NHS: variants seen among roughly 807,000 people sequenced by gnomAD.
NHS encodes the protein NHS actin remodeling regulator.
Under a neutral mutation model 72.5 loss-of-function variants are expected in NHS, and 5 were observed. The observed-to-expected ratio is 0.07, with a 90% confidence interval of 0.04 to 0.14. The LOEUF is 0.14. Among genes scored for constraint, NHS ranks in the 10% least tolerant of loss-of-function variants. The pLI is 1.00. For missense variants in NHS, 1,072 were observed against 1,355.7 expected (o/e 0.79, Z 3.29); for synonymous variants, 464 against 547.7 (o/e 0.85, Z 2.13).
intron 1 of NHS, among the ~76,000 whole-genome samples, chrX:17,407,059 A>T (rs1452125246): frequency 8.9e-6 from 1 of 111,822 alleles, no homozygotes; most frequent in Non-Finnish European, 1.9e-5. Flanking sequence ...CCAACGGCTC[A>T]GGTATACCTG....
At chrX:17,589,578 C>T (rs1323438440) in intron 1 of NHS, among the ~76,000 whole-genome samples, 1 of 111,541 alleles carries the variant, frequency 9.0e-6, no homozygotes, top group Non-Finnish European at 1.9e-5. Context: ...TTTCTCCACT[C>T]GTTGACTGAT....
At chrX:17,677,612 AC>A (rs2066090647) in intron 1 of NHS, among the ~76,000 whole-genome samples, 2 of 110,998 alleles carry the variant, frequency 1.8e-5, no homozygotes, top group African/African-American at 6.6e-5. Context: ...CCCATAGCAT[AC>A]TCACAATCAC....
chrX:17,561,379 C>T (rs1200593914), intron 1 of NHS, among the ~76,000 whole-genome samples: 1 of 110,419 alleles, frequency 9.1e-6, no homozygotes, highest in Non-Finnish European at 1.9e-5. Flanking sequence ...TTCAGAGGTG[C>T]TATCTCCATT....
intron 1 of NHS, among the ~76,000 whole-genome samples, chrX:17,592,320 T>C (rs964434477): frequency 8.9e-6 from 1 of 111,795 alleles, no homozygotes; most frequent in African/African-American, 3.3e-5. Context: ...TTGTAGAATA[T>C]TGTTCTATAT....
At position 17,676,993 on chromosome X, in the gene NHS, A is replaced by G. The variant is rs991409047; in HGVS notation, c.566-10749A>G. 2.7e-5 allele frequency among the ~76,000 whole-genome samples: 3 copies of G among 112,089 alleles called. No individual in the cohort carries two copies. The Admixed American group carries it at 2.8e-4, about 11-fold the overall frequency. Reference sequence around the variant, plus strand: ...CCTCTGTGGTCCACTGACTGGCAACATCAGCATCCCCCTGGGACTTGTTAG... The same window carrying G: ...CCTCTGTGGTCCACTGACTGGCAACGTCAGCATCCCCCTGGGACTTGTTAG... On this transcript the variant is annotated intron_variant, in intron 1 of 8. Coordinates refer to ENST00000676302, the MANE Select transcript of NHS (RefSeq NM_001291867.2).
intron 1 of NHS, among the ~76,000 whole-genome samples, chrX:17,504,714 C>G (rs2065049111): frequency 1.8e-5 from 2 of 112,256 alleles, no homozygotes; most frequent in South Asian, 7.4e-4. Context: ...GAGGCTGGGT[C>G]ACCACATGTG....
intron 1 of NHS, among the ~76,000 whole-genome samples, chrX:17,560,178 C>T (rs1162588423): frequency 9.0e-6 from 1 of 111,571 alleles, no homozygotes; most frequent in African/African-American, 3.3e-5. Flanking sequence ...TCTGATATCT[C>T]GAGGTTGATA....
At chrX:17,417,778 C>T (rs749850998) in intron 1 of NHS, among the ~76,000 whole-genome samples, 6 of 112,353 alleles carry the variant, frequency 5.3e-5, no homozygotes, top group Admixed American at 9.4e-5. Context: ...ATAGAAGTTA[C>T]AGTGTGGTCA....
At chrX:17,491,133 A>G (rs1052536098) in intron 1 of NHS, among the ~76,000 whole-genome samples, 5 of 111,509 alleles carry the variant, frequency 4.5e-5, no homozygotes, top group African/African-American at 1.6e-4. Flanking sequence ...CTTGTGCCTG[A>G]TTGCCCTGGC....
chrX:17,471,658 G>A (rs1168087100), intron 1 of NHS, among the ~76,000 whole-genome samples: 1 of 111,832 alleles, frequency 8.9e-6, no homozygotes, highest in Admixed American at 9.5e-5. Flanking sequence ...GGGAGATGAA[G>A]GTTATGCTAG....
At chrX:17,479,976 G>A (rs1456469578) in intron 1 of NHS, among the ~76,000 whole-genome samples, 2 of 111,483 alleles carry the variant, frequency 1.8e-5, no homozygotes, top group South Asian at 3.8e-4. Context: ...CCATGCCTAT[G>A]TCCTGAATGG....
chrX:17,723,770 T>TGTGTGTGTGCGTGTGCGC (rs541219770), intron 5 of NHS, among the ~76,000 whole-genome samples: 10 of 91,335 alleles, frequency 1.1e-4, no homozygotes, highest in African/African-American at 4.5e-4. Flanking sequence ...TGTGTGTGTG[T>TGTGTGTGTGCGTGTGCGC]GCGCGCGCGT....
intron 7 of NHS, 77 bp downstream of exon 7, chrX:17,728,405 A>G (rs774740000): frequency 3.7e-4 from 350 of 953,948 alleles, no homozygotes; most frequent in Non-Finnish European, 4.7e-4. Flanking sequence ...TGTTCCCAAT[A>G]ATACGGTACA....
At chrX:17,604,228 TCACACACACACACA>T (rs59367930) in intron 1 of NHS, among the ~76,000 whole-genome samples, 25 of 92,274 alleles carry the variant, frequency 2.7e-4, no homozygotes, top group South Asian at 1.7e-3. Flanking sequence ...TATTAATAGA[TCACACACACACACA>T]CACACACACA....
chrX:17,457,577 G>A (rs1198192199), intron 1 of NHS, among the ~76,000 whole-genome samples: 1 of 111,672 alleles, frequency 9.0e-6, no homozygotes, highest in African/African-American at 3.3e-5. Flanking sequence ...CAACATTGGA[G>A]ATTAAATTTC....
At chrX:17,605,901 G>A (rs191740234) in intron 1 of NHS, among the ~76,000 whole-genome samples, 2 of 111,986 alleles carry the variant, frequency 1.8e-5, no homozygotes, top group Non-Finnish European at 3.8e-5. Flanking sequence ...AATGTCAGCT[G>A]TGTTACCAGG....
intron 1 of NHS, among the ~76,000 whole-genome samples, chrX:17,395,861 G>T (rs895300242): frequency 3.6e-5 from 4 of 112,222 alleles, no homozygotes; most frequent in African/African-American, 1.3e-4. Flanking sequence ...AAACACTTCA[G>T]TGCTGCTTAT....
intron 1 of NHS, among the ~76,000 whole-genome samples, chrX:17,426,795 G>C (rs1319302652): frequency 9.0e-6 from 1 of 111,671 alleles, no homozygotes; most frequent in Non-Finnish European, 1.9e-5. Flanking sequence ...AAGCATAATT[G>C]ATTAGTTCCT....
At chrX:17,448,627 G>T (rs2064792805) in intron 1 of NHS, among the ~76,000 whole-genome samples, 1 of 111,723 alleles carries the variant, frequency 9.0e-6, no homozygotes, top group Non-Finnish European at 1.9e-5. Context: ...AGGCAAATAT[G>T]TTCCTTATGA....
Sources: gnomAD v4.1 joint callset for allele counts (sites outside exome capture counted in the v4.1 genomes callset) on GRCh38, gnomAD v4.1.1 for gene constraint, MANE v1.5 for transcripts, NCBI Gene and HGNC (gene_info 2026-07-23, HGNC 2026-07-21) for gene names.